KCND2: variants seen among roughly 807,000 people sequenced by gnomAD.
The protein encoded by KCND2 is potassium voltage-gated channel subfamily D member 2.
Under a neutral mutation model 54.4 loss-of-function variants are expected in KCND2, and 16 were observed. The observed-to-expected ratio is 0.29, with a 90% confidence interval of 0.20 to 0.45. The LOEUF is 0.45. KCND2 is among the 20% of genes least tolerant of loss of function. KCND2 has a pLI of 1.00. For synonymous variants in KCND2, 317 were observed against 310.7 expected, an observed-to-expected ratio of 1.02 and a Z score of -0.21; for missense variants, 486 against 824.2, an observed-to-expected ratio of 0.59 and a Z score of 5.02.
At chr7:120,385,351 A>C (rs79116105) in intron 1 of KCND2, among the ~76,000 whole-genome samples, 4,405 of 152,130 alleles carry the variant, frequency 0.029, 180 homozygotes, top group East Asian at 0.15. Flanking sequence ...GAATATCTTG[A>C]ATGCATAAAT....
At chr7:120,480,113 T>C (rs1018439863) in intron 1 of KCND2, among the ~76,000 whole-genome samples, 1 of 151,910 alleles carries the variant, frequency 6.6e-6, no homozygotes, top group East Asian at 1.9e-4. Flanking sequence ...TTTTTTATGG[T>C]ATAGATATAA....
intron 1 of KCND2, among the ~76,000 whole-genome samples, chr7:120,645,035 C>G (rs1026268095): frequency 6.6e-6 from 1 of 152,080 alleles, no homozygotes; most frequent in Non-Finnish European, 1.5e-5. Context: ...TCTGTGCCTA[C>G]TGCAATGATA....
At chr7:120,696,857 T>G (rs930877465) in intron 1 of KCND2, among the ~76,000 whole-genome samples, 3 of 152,220 alleles carry the variant, frequency 2.0e-5, no homozygotes, top group Non-Finnish European at 4.4e-5. Context: ...CTCTATAGTT[T>G]ATAAATTCTC....
chr7:120,585,216 A>G (rs1419182742), intron 1 of KCND2, among the ~76,000 whole-genome samples: 3 of 151,954 alleles, frequency 2.0e-5, no homozygotes, highest in Admixed American at 1.3e-4. Context: ...GGGAAATATT[A>G]TATCACAAAA....
At chr7:120,464,809 T>C (rs943714350) in intron 1 of KCND2, among the ~76,000 whole-genome samples, 2 of 152,332 alleles carry the variant, frequency 1.3e-5, no homozygotes, top group South Asian at 4.1e-4. Flanking sequence ...CTTTCTCATG[T>C]ATTCCCGTCC....
rs763627879 is a variant in KCND2 at position 120,275,151 on chromosome 7, G to A, written c.519G>A (p.Arg173=). The A allele has an allele frequency of 1.9e-6, 3 of 1,613,994 alleles. No individual in the cohort carries two copies. ...PTMTARQRVW[R]AFENPHTSTM... ...TGACTGCAAGGCAGAGGGTCTGGAGGGCCTTCGAGAACCCCCACACCAGCA... is the reference window on the plus strand; with the variant it reads ...TGACTGCAAGGCAGAGGGTCTGGAGAGCCTTCGAGAACCCCCACACCAGCA... Residue 173 remains arginine, a synonymous_variant, in exon 1 of 6, where the codon AGG becomes AGA. Coordinates refer to ENST00000331113, the MANE Select transcript of KCND2 (RefSeq NM_012281.3).
At chr7:120,470,337 T>C (rs1802435841) in intron 1 of KCND2, among the ~76,000 whole-genome samples, 1 of 152,136 alleles carries the variant, frequency 6.6e-6, no homozygotes, top group Admixed American at 6.6e-5. Flanking sequence ...GCAATGTCCA[T>C]AAGTCTGGAG....
intron 1 of KCND2, among the ~76,000 whole-genome samples, chr7:120,382,379 C>G (rs748026481): frequency 1.3e-5 from 2 of 151,812 alleles, no homozygotes; most frequent in Non-Finnish European, 2.9e-5. Flanking sequence ...TAGAAGAGTA[C>G]AAGCATAGAA....
rs187383115 is a variant in KCND2 at position 120,743,386 on chromosome 7, T to C, written c.1467+784T>C. 3.0e-4 allele frequency among the ~76,000 whole-genome samples: 45 copies of C among 152,326 alleles called. 1 individual carries two copies. Among genetic ancestry groups the C allele is most frequent in the Admixed American group, 2.9e-3 (44 of 15,296 alleles). On this transcript the variant is annotated intron_variant, in intron 4 of 5. Transcript: ENST00000331113. ...CCAATAGAGTCATTCAGCAAATATT[T>C]ACTACTTGCCTATTATGTGCCCAAG...
At chr7:120,452,839 G>T (rs1802135991) in intron 1 of KCND2, among the ~76,000 whole-genome samples, 1 of 152,160 alleles carries the variant, frequency 6.6e-6, no homozygotes, top group Non-Finnish European at 1.5e-5. Context: ...TTAGCCATGG[G>T]GTAACTGTAG....
intron 1 of KCND2, among the ~76,000 whole-genome samples, chr7:120,647,195 C>T (rs1192062707): frequency 6.6e-6 from 1 of 152,122 alleles, no homozygotes; most frequent in African/African-American, 2.4e-5. Context: ...ATTCAAAGGT[C>T]TATGATTATA....
At chr7:120,571,851 A>AT (rs1458829676) in intron 1 of KCND2, among the ~76,000 whole-genome samples, 4 of 152,192 alleles carry the variant, frequency 2.6e-5, no homozygotes, top group African/African-American at 7.2e-5. Flanking sequence ...TCCTGATTGG[A>AT]TTTTTCAACT....
At chr7:120,658,249 C>G (rs1475404680) in intron 1 of KCND2, among the ~76,000 whole-genome samples, 1 of 152,112 alleles carries the variant, frequency 6.6e-6, no homozygotes, top group Non-Finnish European at 1.5e-5. Context: ...TTGAGTCTCC[C>G]CTGTTCCTGC....
At chr7:120,403,705 G>A (rs900454139) in intron 1 of KCND2, among the ~76,000 whole-genome samples, 1 of 151,600 alleles carries the variant, frequency 6.6e-6, no homozygotes, top group Admixed American at 6.6e-5. Flanking sequence ...AAAACAACAT[G>A]AAATACAAGT....
intron 1 of KCND2, among the ~76,000 whole-genome samples, chr7:120,320,838 A>G (rs997295083): frequency 6.6e-6 from 1 of 152,166 alleles, no homozygotes; most frequent in Non-Finnish European, 1.5e-5. Flanking sequence ...TAATCAAAAT[A>G]CAAAAATGCA....
At chr7:120,567,956 C>T (rs1470543546) in intron 1 of KCND2, among the ~76,000 whole-genome samples, 1 of 152,022 alleles carries the variant, frequency 6.6e-6, no homozygotes, top group Non-Finnish European at 1.5e-5. Flanking sequence ...ATGTAATATT[C>T]TTGAATTTAA....
chr7:120,417,296 G>T lies in KCND2; in HGVS notation c.1115+141549G>T, dbSNP rs186084964. ...CAGGCAAGAAAAAGTTTAGTCTGTGGAAATCAAATTTCAAAGAGACTTATA... is the reference window on the plus strand; with the variant it reads ...CAGGCAAGAAAAAGTTTAGTCTGTGTAAATCAAATTTCAAAGAGACTTATA... On this transcript the variant is annotated intron_variant, in intron 1 of 5. Coordinates refer to ENST00000331113, the MANE Select transcript of KCND2 (RefSeq NM_012281.3). 3.9e-5 allele frequency among the ~76,000 whole-genome samples: 6 copies of T among 152,284 alleles called. No individual in the cohort carries two copies. In the East Asian group the frequency reaches 1.2e-3, roughly 29 times the overall value.
intron 1 of KCND2, among the ~76,000 whole-genome samples, chr7:120,505,409 C>A (rs1411854226): frequency 2.0e-5 from 3 of 151,634 alleles, no homozygotes; most frequent in Non-Finnish European, 4.4e-5. Context: ...TGAAACACTG[C>A]AAAACTTAAG....
intron 1 of KCND2, among the ~76,000 whole-genome samples, chr7:120,704,881 A>G (rs1562915221): frequency 6.6e-6 from 1 of 152,212 alleles, no homozygotes; most frequent in Non-Finnish European, 1.5e-5. Context: ...CAGGTATTTG[A>G]TAAATGATAG....
Sources: allele counts gnomAD v4.1 joint callset (sites outside exome capture counted in the v4.1 genomes callset), GRCh38; gene constraint gnomAD v4.1.1; transcripts MANE v1.5; gene names NCBI Gene and HGNC (gene_info 2026-07-23, HGNC 2026-07-21).